The following AGMO variants were observed in gnomAD, a reference collection of about 807,000 sequenced individuals.
AGMO encodes the protein glyceryl-ether monooxygenase.
A neutral mutation model predicts 60.2 loss-of-function variants in AGMO; 75 were observed. That is an observed-to-expected ratio of 1.25 (90% CI 1.03 to 1.51). The LOEUF (loss-of-function observed/expected upper bound fraction) is 1.51. Ranked by LOEUF, AGMO falls within the 40% of genes most tolerant of loss-of-function variation. The pLI, the probability that AGMO is intolerant of heterozygous loss-of-function variation, is 0.00. For missense variants in AGMO, 763 were observed against 525.5 expected (o/e 1.45, Z -4.42); for synonymous variants, 261 against 177.1 (o/e 1.47, Z -3.76).
intron 12 of AGMO, among the ~76,000 whole-genome samples, chr7:15,272,042 G>A (rs1273722309): frequency 6.6e-6 from 1 of 152,084 alleles, no homozygotes; most frequent in African/African-American, 2.4e-5. Context: ...TGATCATGAT[G>A]AATTATCTTT....
chr7:15,547,733 T>TG (rs1784826279), intron 2 of AGMO, among the ~76,000 whole-genome samples: 1 of 151,530 alleles, frequency 6.6e-6, no homozygotes, highest in South Asian at 2.1e-4. Context: ...GCAGCGAGGC[T>TG]GGGGGAGGGG....
intron 12 of AGMO, among the ~76,000 whole-genome samples, chr7:15,304,309 G>A (rs1000222873): frequency 6.6e-6 from 1 of 152,118 alleles, no homozygotes; most frequent in Non-Finnish European, 1.5e-5. Context: ...CAACTCCCTT[G>A]AGGTCTTCTC....
At chr7:15,139,820 C>CAAAAAAAAAAAA in the AGMO span, among the ~76,000 whole-genome samples, 38 of 66,266 alleles carry the variant, frequency 5.7e-4, no homozygotes, top group African/African-American at 1.4e-3. Context: ...TCTCAAAAGA[C>CAAAAAAAAAAAA]AAAAAAAAAA....
At chr7:15,162,705 TAATAA>T in the AGMO span, among the ~76,000 whole-genome samples, 5 of 152,190 alleles carry the variant, frequency 3.3e-5, no homozygotes, top group South Asian at 4.1e-4. Context: ...AAAATAGTAA[TAATAA>T]AATAAGAAAT....
chr7:15,435,314 C>CTTT (rs375796651), intron 3 of AGMO, among the ~76,000 whole-genome samples: 81 of 143,394 alleles, frequency 5.6e-4, no homozygotes, highest in African/African-American at 1.3e-3. Context: ...GTGGCTGTGC[C>CTTT]TTTTTTTTTT....
At chr7:15,124,232 T>G in the AGMO span, among the ~76,000 whole-genome samples, 3 of 151,836 alleles carry the variant, frequency 2.0e-5, no homozygotes, top group Non-Finnish European at 4.4e-5. Context: ...AATTACTCTT[T>G]GTTTCATGAT....
intron 12 of AGMO, among the ~76,000 whole-genome samples, chr7:15,330,899 T>G (rs73296402): frequency 0.043 from 6,588 of 152,172 alleles, 492 homozygotes; most frequent in African/African-American, 0.15. Flanking sequence ...TCAAATATTC[T>G]GTAAGCCCCT....
intron 12 of AGMO, among the ~76,000 whole-genome samples, chr7:15,270,875 T>A (rs932676813): frequency 1.3e-5 from 2 of 151,880 alleles, no homozygotes; most frequent in African/African-American, 4.8e-5. Flanking sequence ...TCATTCTTCT[T>A]CATATGGCTA....
intron 8 of AGMO, 100 bp downstream of exon 8, chr7:15,390,571 A>T: frequency 1.2e-6 from 1 of 852,446 alleles, no homozygotes; most frequent in Non-Finnish European, 1.8e-6. Context: ...TTTTCAGGTT[A>T]GTGTAATATA....
At chr7:15,360,975 C>T (rs1027741217) in intron 12 of AGMO, among the ~76,000 whole-genome samples, 5 of 152,126 alleles carry the variant, frequency 3.3e-5, no homozygotes, top group Non-Finnish European at 5.9e-5. Flanking sequence ...CAAAATAATT[C>T]CCATGCCTTC....
chr7:15,300,927 T>C (rs963508943), intron 12 of AGMO, among the ~76,000 whole-genome samples: 1 of 152,170 alleles, frequency 6.6e-6, no homozygotes, highest in Non-Finnish European at 1.5e-5. Flanking sequence ...TGCTGTATAT[T>C]ACAAGCATCA....
intron 12 of AGMO, among the ~76,000 whole-genome samples, chr7:15,351,781 G>C (rs1003541858): frequency 1.4e-4 from 22 of 152,210 alleles, no homozygotes; most frequent in African/African-American, 5.1e-4. Flanking sequence ...AAAGTATACG[G>C]CTAGAGATAA....
chr7:15,135,162 T>TTGTG, the AGMO span, among the ~76,000 whole-genome samples: 53 of 102,092 alleles, frequency 5.2e-4, no homozygotes, highest in African/African-American at 1.7e-3. Flanking sequence ...TTATATGAGT[T>TTGTG]TGTGTGTGTG....
chr7:15,358,684 C>A (rs182472820), intron 12 of AGMO, among the ~76,000 whole-genome samples: 1 of 152,118 alleles, frequency 6.6e-6, no homozygotes, highest in Non-Finnish European at 1.5e-5. Context: ...CTAGATAACT[C>A]AAATTCATGT....
chr7:15,118,338 T>C, the AGMO span, among the ~76,000 whole-genome samples: 2 of 152,010 alleles, frequency 1.3e-5, no homozygotes, highest in Non-Finnish European at 2.9e-5. Flanking sequence ...TGCAGAAGGA[T>C]CTTTTAGGGG....
chr7:15,122,997 A>G, the AGMO span, among the ~76,000 whole-genome samples: 2 of 152,154 alleles, frequency 1.3e-5, no homozygotes, highest in East Asian at 3.9e-4. Flanking sequence ...ATGCTTTCTG[A>G]CATGTTTTCC....
intron 12 of AGMO, among the ~76,000 whole-genome samples, chr7:15,201,813 G>A (rs1310119537): frequency 6.6e-6 from 1 of 152,116 alleles, no homozygotes; most frequent in Non-Finnish European, 1.5e-5. Context: ...TTCGCCCAAC[G>A]TGAATTAAAT....
intron 2 of AGMO, among the ~76,000 whole-genome samples, chr7:15,552,884 C>A (rs903551950): frequency 2.0e-5 from 3 of 149,294 alleles, no homozygotes; most frequent in African/African-American, 7.3e-5. Context: ...ATGTTTATTG[C>A]GGCATTATTC....
chr7:15,381,183 T>C (rs1202972015), intron 10 of AGMO, among the ~76,000 whole-genome samples: 5 of 151,882 alleles, frequency 3.3e-5, no homozygotes, highest in Non-Finnish European at 5.9e-5. Flanking sequence ...ACAAATGGGA[T>C]CTAATTAAAC....
Sources: allele counts gnomAD v4.1 joint callset (sites outside exome capture counted in the v4.1 genomes callset), GRCh38; gene constraint gnomAD v4.1.1; transcripts MANE v1.5; gene names NCBI Gene and HGNC (gene_info 2026-07-23, HGNC 2026-07-21).